UNC5D: variants seen among roughly 807,000 people sequenced by gnomAD.
UNC5D encodes unc-5 netrin receptor D.
A neutral mutation model predicts 105.4 loss-of-function variants in UNC5D; 39 were observed. The observed-to-expected ratio is 0.37, with a 90% CI of 0.29 to 0.48. UNC5D has a LOEUF of 0.48. Among genes scored for constraint, UNC5D ranks in the 20% least tolerant of loss-of-function variants. The pLI is 0.98. For missense variants in UNC5D, 991 were observed against 1,202.4 expected, an observed-to-expected ratio of 0.82 and a Z score of 2.60; for synonymous variants, 452 against 450.4, an observed-to-expected ratio of 1.00 and a Z score of -0.04.
At chr8:35,606,804 C>T (rs1395243626) in intron 4 of UNC5D, among the ~76,000 whole-genome samples, 1 of 152,204 alleles carries the variant, frequency 6.6e-6, no homozygotes. Flanking sequence ...GCATACCCAG[C>T]CACCCACACT....
chr8:35,544,299 G>T, intron 1 of UNC5D: 1 of 1,351,556 alleles, frequency 7.4e-7, no homozygotes, highest in Non-Finnish European at 9.9e-7. Context: ...ATTAAGTGAA[G>T]CTTGGAGTGC....
At chr8:35,538,786 C>T (rs1815056250) in intron 1 of UNC5D, among the ~76,000 whole-genome samples, 1 of 151,996 alleles carries the variant, frequency 6.6e-6, no homozygotes, top group African/African-American at 2.4e-5. Context: ...CTGGTGAATA[C>T]TAGAGCTATT....
At chr8:35,736,708 A>G (rs1163005025) in intron 11 of UNC5D, among the ~76,000 whole-genome samples, 1 of 152,242 alleles carries the variant, frequency 6.6e-6, no homozygotes, top group Non-Finnish European at 1.5e-5. Context: ...CTTATAAACT[A>G]AAAGAGTAAA....
In UNC5D at chr8:35,552,719, G is replaced by A. The variant is rs779142873; in HGVS notation, c.322+3209G>A. On this transcript the variant is annotated intron_variant, in intron 2 of 16. Transcript: ENST00000404895. ...CAAATTGAATCTTGGTTTCAGGAAC[G>A]TCTCTGATCTTGTGCTCCCAAGGCT... Among the ~76,000 whole-genome samples the A allele has an allele frequency of 1.3e-4, 20 of 152,248 alleles. 1 individual carries two copies. The South Asian group carries it at 1.7e-3, about 13-fold the overall frequency.
At chr8:35,467,074 A>T (rs1809360077) in intron 1 of UNC5D, among the ~76,000 whole-genome samples, 1 of 152,136 alleles carries the variant, frequency 6.6e-6, no homozygotes, top group South Asian at 2.1e-4. Context: ...ATAACTATAA[A>T]ATTAGTGGGT....
At chr8:35,315,898 A>G (rs1809265422) in intron 1 of UNC5D, among the ~76,000 whole-genome samples, 2 of 152,188 alleles carry the variant, frequency 1.3e-5, no homozygotes, top group African/African-American at 4.8e-5. Flanking sequence ...GATACAGACC[A>G]TGAACAACAT....
At chr8:35,519,431 G>A (rs959953753) in intron 1 of UNC5D, among the ~76,000 whole-genome samples, 4 of 152,062 alleles carry the variant, frequency 2.6e-5, no homozygotes, top group East Asian at 1.9e-4. Flanking sequence ...AAGCAGTACC[G>A]AGTAGCTGGT....
intron 1 of UNC5D, among the ~76,000 whole-genome samples, chr8:35,326,500 A>T (rs765965742): frequency 3.9e-5 from 6 of 152,246 alleles, no homozygotes; most frequent in Non-Finnish European, 8.8e-5. Context: ...CATGCCTGTC[A>T]TCGCAGCGCT....
chr8:35,785,655 C>G (rs761971025), intron 16 of UNC5D, among the ~76,000 whole-genome samples: 1 of 152,098 alleles, frequency 6.6e-6, no homozygotes, highest in Non-Finnish European at 1.5e-5. Flanking sequence ...GCCACCACGC[C>G]GAGCCTATAT....
At chr8:35,282,973 T>C (rs1806302072) in intron 1 of UNC5D, among the ~76,000 whole-genome samples, 1 of 152,222 alleles carries the variant, frequency 6.6e-6, no homozygotes, top group Non-Finnish European at 1.5e-5. Flanking sequence ...ACTTTCAGCC[T>C]TGACTAACAC....
intron 1 of UNC5D, among the ~76,000 whole-genome samples, chr8:35,520,144 T>C (rs1304863076): frequency 2.6e-5 from 4 of 151,996 alleles, no homozygotes; most frequent in Non-Finnish European, 5.9e-5. Flanking sequence ...TTATCCCTAA[T>C]AGATAAAATG....
At chr8:35,626,054 G>A (rs914815400) in intron 4 of UNC5D, among the ~76,000 whole-genome samples, 1 of 152,236 alleles carries the variant, frequency 6.6e-6, no homozygotes, top group African/African-American at 2.4e-5. Context: ...AACCCTTGGG[G>A]TCTTTTTTCC....
intron 1 of UNC5D, among the ~76,000 whole-genome samples, chr8:35,410,554 A>G (rs771506582): frequency 3.3e-5 from 5 of 152,104 alleles, no homozygotes; most frequent in East Asian, 1.9e-4. Context: ...TGGAATAGAA[A>G]GAATGCAAAG....
At chr8:35,437,129 G>A (rs1198491121) in intron 1 of UNC5D, among the ~76,000 whole-genome samples, 2 of 151,880 alleles carry the variant, frequency 1.3e-5, no homozygotes, top group African/African-American at 4.8e-5. Flanking sequence ...TTGTGCCACT[G>A]TGCCTGGCTC....
intron 1 of UNC5D, among the ~76,000 whole-genome samples, chr8:35,282,208 GC>G (rs1806236190): frequency 6.6e-6 from 1 of 152,158 alleles, no homozygotes; most frequent in Non-Finnish European, 1.5e-5. Context: ...GCTGTTGATG[GC>G]ACCATAGCAT....
intron 1 of UNC5D, among the ~76,000 whole-genome samples, chr8:35,527,012 CTATG>C (rs1287081107): frequency 6.6e-6 from 1 of 152,070 alleles, no homozygotes; most frequent in East Asian, 1.9e-4. Flanking sequence ...AGGGGGTTCT[CTATG>C]TAATGGAATG....
intron 1 of UNC5D, among the ~76,000 whole-genome samples, chr8:35,416,228 C>G (rs1805525838): frequency 6.6e-6 from 1 of 151,932 alleles, no homozygotes; most frequent in African/African-American, 2.4e-5. Context: ...GGGAGACTGA[C>G]TTGGTGTAGG....
At chr8:35,588,593 C>T (rs1818949806) in intron 3 of UNC5D, among the ~76,000 whole-genome samples, 1 of 152,172 alleles carries the variant, frequency 6.6e-6, no homozygotes, top group Non-Finnish European at 1.5e-5. Flanking sequence ...TAGCTAGTCA[C>T]CCTGCTAGAG....
At chr8:35,341,298 T>C (rs1811436902) in intron 1 of UNC5D, among the ~76,000 whole-genome samples, 1 of 152,178 alleles carries the variant, frequency 6.6e-6, no homozygotes, top group Non-Finnish European at 1.5e-5. Flanking sequence ...AAAAAAGGCA[T>C]GACCTACTTA....
Sources: allele counts gnomAD v4.1 joint callset (sites outside exome capture counted in the v4.1 genomes callset), GRCh38; gene constraint gnomAD v4.1.1; transcripts MANE v1.5; gene names NCBI Gene and HGNC (gene_info 2026-07-23, HGNC 2026-07-21).